The following ZYG11B variants were observed in gnomAD, a reference collection of about 807,000 sequenced individuals.
ZYG11B encodes the protein protein zyg-11 homolog B.
Under a neutral mutation model 82.4 loss-of-function variants are expected in ZYG11B, and 36 were observed. The observed-to-expected ratio is 0.44, with a 90% confidence interval of 0.33 to 0.58. The LOEUF is 0.58. Among genes scored for constraint, ZYG11B ranks in the 20% least tolerant of loss-of-function variants. ZYG11B has a pLI of 0.02. For synonymous variants in ZYG11B, 303 were observed against 312.8 expected (o/e 0.97, Z 0.33); for missense variants, 552 against 895.6 (o/e 0.62, Z 4.90).
intron 8 of ZYG11B, among the ~76,000 whole-genome samples, chr1:52,797,912 G>C (rs1645040851): frequency 6.6e-6 from 1 of 151,592 alleles, no homozygotes; most frequent in Non-Finnish European, 1.5e-5. Flanking sequence ...GATCACTTGA[G>C]GCCAGGAGTT....
At chr1:52,760,259 A>G (rs968941955) in intron 2 of ZYG11B, among the ~76,000 whole-genome samples, 3 of 152,204 alleles carry the variant, frequency 2.0e-5, no homozygotes, top group Non-Finnish European at 2.9e-5. Context: ...CCTGGCCAAC[A>G]TGGCAAAACC....
intron 1 of ZYG11B, among the ~76,000 whole-genome samples, chr1:52,743,951 G>A (rs74834256): frequency 7.2e-6 from 1 of 139,860 alleles, no homozygotes; most frequent in African/African-American, 2.8e-5. Flanking sequence ...TTTTTTTTTT[G>A]AGACAGAGTC....
rs762536547 is a variant in ZYG11B, at chr1:52,771,791, G to A, written c.951+17G>A. The A allele has an allele frequency of 1.3e-6, 2 of 1,588,540 alleles. No individual in the cohort carries two copies. Among genetic ancestry groups the A allele is most frequent in the Non-Finnish European group, 8.6e-7 (1 of 1,167,706 alleles). On this transcript the variant is annotated intron_variant, in intron 3 of 13. Transcript: ENST00000294353. This position sits in a 1 kb window ranked among gnomAD's most constrained non-coding sequence, Gnocchi z 5.4. ...CATTTGAAGGTTAGACTTTAAAAAT[G>A]TATTATTTTGTCAGGCTGACCAATA...
rs11446988 is a variant in ZYG11B at position 52,746,687 on chromosome 1, G to GTTTTTTTTTTTTTTTTTTTT, written c.31-9763_31-9744dup. Among the ~76,000 whole-genome samples, 5 of 33,508 alleles carry GTTTTTTTTTTTTTTTTTTTT rather than the reference G, an allele frequency of 1.5e-4. 1 individual carries two copies. The highest frequency in any genetic ancestry group is 5.0e-4 in the African/African-American group (4 of 7,970). 22.0% of individuals were successfully genotyped at this position (33,508 alleles called of 152,430 possible). A position where few individuals can be genotyped will look rare whatever the true frequency, so the allele number is the denominator to read the frequency against. ...ACCAAAAAAATAAAGATCGGCCACT[G>GTTTTTTTTTTTTTTTTTTTT]TTTTTTTTTTTTTTTTTTTTTTTTT... On this transcript the variant is annotated intron_variant, in intron 1 of 13. Transcript: ENST00000294353.
At chr1:52,766,110 TTTTTTTTAAA>T (rs1466796068) in intron 2 of ZYG11B, among the ~76,000 whole-genome samples, 1 of 122,336 alleles carries the variant, frequency 8.2e-6, no homozygotes, top group Non-Finnish European at 1.5e-5. Flanking sequence ...CCTTATTAAA[TTTTTTTTAAA>T]TTTTTTTTTT....
intron 1 of ZYG11B, among the ~76,000 whole-genome samples, chr1:52,747,127 G>A (rs1404837310): frequency 2.0e-5 from 3 of 151,904 alleles, no homozygotes; most frequent in Non-Finnish European, 4.4e-5. Flanking sequence ...ATGATACAAT[G>A]TGTGTAAGAA....
At chr1:52,735,036 CT>C (rs781624927) in intron 1 of ZYG11B, among the ~76,000 whole-genome samples, 138 of 138,816 alleles carry the variant, frequency 9.9e-4, no homozygotes, top group Non-Finnish European at 1.0e-3. Context: ...GTCCAAATCA[CT>C]TTTTTTTTTT....
rs141162411 is a variant in ZYG11B, at chr1:52,773,013, T to G, written c.951+1239T>G. Among the ~76,000 whole-genome samples the G allele has an allele frequency of 9.2e-5, 14 of 152,134 alleles. No homozygotes were observed. The East Asian group carries it at 2.5e-3, about 27-fold the overall frequency. On this transcript the variant is annotated intron_variant, in intron 3 of 13. Coordinates refer to ENST00000294353, the MANE Select transcript of ZYG11B (RefSeq NM_024646.3). ...TTTTAATGGATAACTTCAGAGAAAC[T>G]AAGGACACCCCTTGTTGAATTGAAT...
rs950189441 is a variant in ZYG11B at position 52,818,063 on chromosome 1, C to T, written c.2044+1434C>T. ...ATTTTGGCTGGGCTGATCTTGAACC[C>T]CTGACCTCAGGTGATCCACCGACCT... On this transcript the variant is annotated intron_variant, in intron 13 of 13. Coordinates refer to ENST00000294353, the MANE Select transcript of ZYG11B (RefSeq NM_024646.3). Among the ~76,000 whole-genome samples the T allele has an allele frequency of 2.0e-5, 3 of 151,010 alleles. No homozygotes were observed. In the East Asian group the frequency reaches 5.9e-4, roughly 30 times the overall value.
At chr1:52,741,316 A>G (rs960624363) in intron 1 of ZYG11B, among the ~76,000 whole-genome samples, 1 of 118,368 alleles carries the variant, frequency 8.4e-6, no homozygotes, top group Non-Finnish European at 1.5e-5. Context: ...AAAAAAAAAA[A>G]AAAGAAAAGA....
At chr1:52,803,133 TACACAC>T (rs1210672658) in intron 10 of ZYG11B, among the ~76,000 whole-genome samples, 779 of 65,190 alleles carry the variant, frequency 0.012, 47 homozygotes, top group African/African-American at 0.04. Context: ...CATATATATA[TACACAC>T]ATATATATAT....
At chr1:52,735,591 C>T (rs1015709024) in intron 1 of ZYG11B, among the ~76,000 whole-genome samples, 5 of 152,058 alleles carry the variant, frequency 3.3e-5, no homozygotes, top group Admixed American at 6.6e-5. Context: ...GACTGGAGTG[C>T]AGTGGCGCGA....
Position 52,816,543 on chromosome 1 carries a change from C to A in ZYG11B, c.1958C>A (p.Pro653Gln). ...CEMVAYRSFN[P>Q]FFPLLGCFTT... ...TTTTGAACCTTTAGGTCCTTTAATC[C>A]ATTTTTCCCATTACTTGGCTGTTTC... The change falls in exon 13 of 14, where the codon CCA (proline) becomes CAA (glutamine). Residue 653 changes from proline (P) to glutamine (Q), a missense_variant. Pro to Gln is a moderately conservative substitution (Grantham distance 76). Transcript: ENST00000294353. 6.2e-7 allele frequency: 1 copy of A among 1,609,502 alleles called. No individual in the cohort carries two copies.
At chr1:52,727,087 C>T (rs1644290750) in intron 1 of ZYG11B, among the ~76,000 whole-genome samples, 1 of 151,896 alleles carries the variant, frequency 6.6e-6, no homozygotes, top group Non-Finnish European at 1.5e-5. Context: ...CTCTTCCTTG[C>T]TCTTCTCACC....
chr1:52,751,001 G>T (rs1244924339), intron 1 of ZYG11B, among the ~76,000 whole-genome samples: 1 of 152,012 alleles, frequency 6.6e-6, no homozygotes, highest in Non-Finnish European at 1.5e-5. Context: ...TGTTTATCCA[G>T]TCATCTGGTT....
intron 10 of ZYG11B, among the ~76,000 whole-genome samples, chr1:52,804,383 C>T (rs1558141139): frequency 6.6e-6 from 1 of 151,966 alleles, no homozygotes; most frequent in Non-Finnish European, 1.5e-5. Flanking sequence ...GAGGGTGAGG[C>T]AGGCGGGTCA....
intron 4 of ZYG11B, among the ~76,000 whole-genome samples, chr1:52,780,689 C>T (rs951705735): frequency 3.9e-5 from 6 of 152,106 alleles, no homozygotes; most frequent in Non-Finnish European, 7.4e-5. Flanking sequence ...TGTTCACAGG[C>T]CTCAAACTCC....
intron 2 of ZYG11B, among the ~76,000 whole-genome samples, chr1:52,768,680 C>A (rs894861094): frequency 6.6e-6 from 1 of 151,352 alleles, no homozygotes; most frequent in Non-Finnish European, 1.5e-5. Context: ...CTGCAGCCTC[C>A]GCCTCCCAAG....
chr1:52,738,254 A>G (rs539105630), intron 1 of ZYG11B, among the ~76,000 whole-genome samples: 19 of 152,178 alleles, frequency 1.2e-4, no homozygotes, highest in African/African-American at 4.6e-4. Flanking sequence ...TCTGTCGCCC[A>G]GGCTGGAGTA....
Sources: gnomAD v4.1 joint callset for allele counts (sites outside exome capture counted in the v4.1 genomes callset) on GRCh38, gnomAD v4.1.1 for gene constraint, Gnocchi (gnomAD v3.1) non-coding constraint, MANE v1.5 for transcripts, NCBI Gene and HGNC (gene_info 2026-07-23, HGNC 2026-07-21) for gene names.